Variants in KCNT2 observed in about 807,000 individuals in gnomAD.
The protein encoded by KCNT2 is potassium sodium-activated channel subfamily T member 2.
Under a neutral mutation model 153.8 loss-of-function variants are expected in KCNT2, and 67 were observed. That is an observed-to-expected ratio of 0.44 (90% CI 0.36 to 0.53). The LOEUF (loss-of-function observed/expected upper bound fraction) is 0.53. Ranked by LOEUF, KCNT2 falls within the 20% of genes least tolerant of loss-of-function variation. KCNT2 has a pLI of 0.00. For synonymous variants in KCNT2, 500 were observed against 458.8 expected, an observed-to-expected ratio of 1.09 and a Z score of -1.15; for missense variants, 975 against 1,354.8, an observed-to-expected ratio of 0.72 and a Z score of 4.40.
intron 23 of KCNT2, among the ~76,000 whole-genome samples, chr1:196,284,248 A>AAAAAAAATATATATATAT: frequency 2.0e-4 from 2 of 10,050 alleles, no homozygotes; most frequent in African/African-American, 2.7e-4. Flanking sequence ...AAAAAAAAAA[A>AAAAAAAATATATATATAT]ATATATATAT....
chr1:196,476,971 T>C (rs2148690571), intron 5 of KCNT2, among the ~76,000 whole-genome samples: 1 of 152,258 alleles, frequency 6.6e-6, no homozygotes, highest in East Asian at 1.9e-4. Context: ...TTTTCTCAAG[T>C]TTCTTATACT....
chr1:196,503,709 TGA>T (rs1442671858), intron 1 of KCNT2, among the ~76,000 whole-genome samples: 1 of 152,142 alleles, frequency 6.6e-6, no homozygotes. Context: ...GTTCAACAGA[TGA>T]GAGTTATTTG....
At chr1:196,340,912 T>A (rs904731747) in intron 15 of KCNT2, among the ~76,000 whole-genome samples, 4 of 151,788 alleles carry the variant, frequency 2.6e-5, no homozygotes, top group Admixed American at 6.6e-5. Context: ...TTAAAAAAAA[T>A]AAATAAAAAG....
In KCNT2 at chr1:196,608,350, G is replaced by C. The variant is rs752484745; in HGVS notation, c.-41C>G. On this transcript the variant is annotated 5_prime_UTR_variant, in exon 1 of 28. Transcript: ENST00000294725. ...GGGAAACATCAAACAACAAATGGAG[G>C]AGAGGAGGGAGAAAGAAAGAAAATA... is the stretch of plus-strand genomic sequence containing the variant. 6 of 1,484,382 alleles carry C rather than the reference G, an allele frequency of 4.0e-6. No individual in the cohort carries two copies. The highest frequency in any genetic ancestry group is 1.7e-4 in the Middle Eastern group (1 of 5,786). The allele number at this position is 1,484,382 out of a possible 1,614,324, so 92.0% of individuals were successfully genotyped here.
intron 15 of KCNT2, among the ~76,000 whole-genome samples, chr1:196,340,819 T>C (rs1665550965): frequency 6.6e-6 from 1 of 151,976 alleles, no homozygotes; most frequent in Non-Finnish European, 1.5e-5. Context: ...AGTGCATGTA[T>C]ACACTAAGGG....
chr1:196,521,384 T>G (rs896966845), intron 1 of KCNT2, among the ~76,000 whole-genome samples: 2 of 152,198 alleles, frequency 1.3e-5, no homozygotes, highest in Non-Finnish European at 2.9e-5. Flanking sequence ...TGGAAAGCAG[T>G]TTGTTGATTC....
chr1:196,324,068 A>G (rs1354817984), intron 19 of KCNT2, among the ~76,000 whole-genome samples: 1 of 151,946 alleles, frequency 6.6e-6, no homozygotes, highest in Non-Finnish European at 1.5e-5. Context: ...ACAACAAATA[A>G]GAATATTCGA....
chr1:196,227,934 C>T lies in KCNT2; in HGVS notation c.*290G>A, dbSNP rs1653617989. ...AAAACCTTAATAATTTTTAAAATTG[C>T]TTTCATAGAGTTTGGATTATTATAA... On this transcript the variant is annotated 3_prime_UTR_variant, in exon 28 of 28. Transcript: ENST00000294725. 4.6e-6 allele frequency: 1 copy of T among 217,028 alleles called. No individual in the cohort carries two copies. Among genetic ancestry groups the T allele is most frequent in the African/African-American group, 2.3e-5 (1 of 43,424 alleles). 13.4% of individuals were successfully genotyped at this position (217,028 alleles called of 1,614,324 possible). A position where few individuals can be genotyped will look rare whatever the true frequency, so the allele number is the denominator to read the frequency against.
intron 1 of KCNT2, among the ~76,000 whole-genome samples, chr1:196,503,416 A>G (rs1246407229): frequency 2.6e-5 from 4 of 152,298 alleles, no homozygotes; most frequent in South Asian, 2.1e-4. Flanking sequence ...CAACCCCACC[A>G]TAAACCTAAT....
At chr1:196,557,268 C>T (rs1218077348) in intron 1 of KCNT2, among the ~76,000 whole-genome samples, 2 of 151,078 alleles carry the variant, frequency 1.3e-5, no homozygotes, top group Admixed American at 6.6e-5. Context: ...TATACACCTA[C>T]CATGTACCCG....
intron 1 of KCNT2, among the ~76,000 whole-genome samples, chr1:196,586,238 T>C (rs1662662752): frequency 6.6e-6 from 1 of 152,126 alleles, no homozygotes; most frequent in African/African-American, 2.4e-5. Flanking sequence ...CACTCCAACC[T>C]GGGTAATAGA....
chr1:196,312,531 A>C (rs578162564), intron 21 of KCNT2, among the ~76,000 whole-genome samples: 30 of 151,926 alleles, frequency 2.0e-4, no homozygotes, highest in African/African-American at 7.0e-4. Flanking sequence ...TTTTCGAAAC[A>C]CTTCAAAATA....
At chr1:196,430,084 T>C (rs564314107) in intron 8 of KCNT2, among the ~76,000 whole-genome samples, 51 of 152,130 alleles carry the variant, frequency 3.4e-4, no homozygotes, top group Non-Finnish European at 5.6e-4. Context: ...CTACCTCTAA[T>C]CCCTACCAAA....
intron 1 of KCNT2, among the ~76,000 whole-genome samples, chr1:196,505,414 G>T (rs1320334324): frequency 3.3e-5 from 5 of 151,898 alleles, no homozygotes; most frequent in Non-Finnish European, 5.9e-5. Context: ...CATTATTTCT[G>T]AGGGCTCTGT....
At chr1:196,492,431 T>C in intron 1 of KCNT2, 90 bp from the exon 2 acceptor site, 2 of 953,974 alleles carry the variant, frequency 2.1e-6, no homozygotes, top group Non-Finnish European at 2.8e-6. Context: ...TGATCTGTAG[T>C]TCTCTAACTT....
intron 1 of KCNT2, among the ~76,000 whole-genome samples, chr1:196,599,948 A>G (rs994727493): frequency 6.6e-6 from 1 of 152,206 alleles, no homozygotes; most frequent in African/African-American, 2.4e-5. Flanking sequence ...TTCCCAGTCA[A>G]GAGAGACAAA....
At chr1:196,313,868 C>G (rs1277974104) in intron 21 of KCNT2, among the ~76,000 whole-genome samples, 1 of 151,490 alleles carries the variant, frequency 6.6e-6, no homozygotes, top group Non-Finnish European at 1.5e-5. Flanking sequence ...ACCATAAAAA[C>G]TATATAATTT....
At chr1:196,470,163 G>C (rs921363978) in intron 5 of KCNT2, among the ~76,000 whole-genome samples, 6 of 152,288 alleles carry the variant, frequency 3.9e-5, no homozygotes, top group Non-Finnish European at 2.9e-5. Flanking sequence ...CAGTGAAAAT[G>C]CCTCCTTATA....
At chr1:196,459,985 T>C (rs1047953623) in intron 8 of KCNT2, among the ~76,000 whole-genome samples, 2 of 151,832 alleles carry the variant, frequency 1.3e-5, no homozygotes, top group Non-Finnish European at 1.5e-5. Context: ...GCCATAGTTA[T>C]TGTCTTCTCT....
Sources: allele counts gnomAD v4.1 joint callset (sites outside exome capture counted in the v4.1 genomes callset), GRCh38; gene constraint gnomAD v4.1.1; transcripts MANE v1.5; gene names NCBI Gene and HGNC (gene_info 2026-07-23, HGNC 2026-07-21).